The following CNBD1 variants were observed in gnomAD, a reference collection of about 807,000 sequenced individuals.
CNBD1 encodes cyclic nucleotide binding domain containing 1.
A neutral mutation model predicts 54.4 loss-of-function variants in CNBD1; 71 were observed. The ratio of observed to expected loss-of-function variants is 1.30; its 90% CI spans 1.08 to 1.59. The LOEUF is 1.59. CNBD1 is among the 40% of genes most tolerant of loss of function. The pLI is 0.00. For missense variants in CNBD1, 659 were observed against 518.0 expected (o/e 1.27, Z -2.64); for synonymous variants, 182 against 170.7 (o/e 1.07, Z -0.51).
At chr8:87,397,067 A>C (rs1811420682) in intron 2 of CNBD1, among the ~76,000 whole-genome samples, 1 of 151,388 alleles carries the variant, frequency 6.6e-6, no homozygotes, top group Non-Finnish European at 1.5e-5. Flanking sequence ...TTTTTGATCT[A>C]TCTCTAGACT....
intron 2 of CNBD1, among the ~76,000 whole-genome samples, chr8:87,406,731 G>C (rs2130981595): frequency 6.6e-6 from 1 of 152,022 alleles, no homozygotes; most frequent in South Asian, 2.1e-4. Context: ...GCCAGCCTTG[G>C]CCTCCCAAAA....
At chr8:87,346,100 G>C (rs1810170809) in intron 8 of CNBD1, among the ~76,000 whole-genome samples, 1 of 151,878 alleles carries the variant, frequency 6.6e-6, no homozygotes, top group Admixed American at 6.6e-5. Context: ...GGAATGCAAT[G>C]GCGAGATCTT....
intron 8 of CNBD1, among the ~76,000 whole-genome samples, chr8:87,346,334 G>A (rs989902413): frequency 1.3e-5 from 2 of 152,022 alleles, no homozygotes; most frequent in Non-Finnish European, 2.9e-5. Flanking sequence ...GAGCCACCGT[G>A]CCTGGCCATT....
At chr8:87,331,055 C>G (rs1372492169) in intron 8 of CNBD1, among the ~76,000 whole-genome samples, 2 of 151,762 alleles carry the variant, frequency 1.3e-5, no homozygotes, top group Non-Finnish European at 1.5e-5. Context: ...TTTTTTTATT[C>G]TTTATTTTTT....
At chr8:86,912,126 TA>T (rs1809109475) in intron 3 of CNBD1, among the ~76,000 whole-genome samples, 1 of 152,184 alleles carries the variant, frequency 6.6e-6, no homozygotes, top group Non-Finnish European at 1.5e-5. Flanking sequence ...TTGACTTTTA[TA>T]AAAATGTTAT....
At chr8:87,058,417 G>A (rs1322781426) in intron 4 of CNBD1, among the ~76,000 whole-genome samples, 1 of 152,218 alleles carries the variant, frequency 6.6e-6, no homozygotes, top group East Asian at 1.9e-4. Context: ...TTGGGACTCT[G>A]TGTGGGGATT....
intron 8 of CNBD1, among the ~76,000 whole-genome samples, chr8:87,297,669 C>T (rs753665072): frequency 1.9e-4 from 29 of 151,590 alleles, no homozygotes; most frequent in Non-Finnish European, 4.0e-4. Flanking sequence ...TGTCTGTAAT[C>T]ACACATTTAC....
At position 87,353,621 on chromosome 8, in the gene CNBD1, A is replaced by T. The variant is rs1563566119; in HGVS notation, c.1153-15A>T. The T allele has an allele frequency of 6.6e-7, 1 of 1,513,162 alleles. No individual in the cohort carries two copies. The highest frequency in any genetic ancestry group is 9.0e-7 in the Non-Finnish European group (1 of 1,107,448). The allele number at this position is 1,513,162 out of a possible 1,614,324, so 93.7% of individuals were successfully genotyped here. A position where few individuals can be genotyped will look rare whatever the true frequency, so the allele number is the denominator to read the frequency against. On this transcript the variant is annotated splice_polypyrimidine_tract_variant and intron_variant, in intron 9 of 10. Transcript: ENST00000518476. ...AGCAGTTGCATTAAACATCAATAAT[A>T]TATTTTTTTAACAGAAAAGATCTCA...
chr8:87,408,732 C>A (rs531938102), intron 2 of CNBD1, among the ~76,000 whole-genome samples: 1 of 152,008 alleles, frequency 6.6e-6, no homozygotes, highest in Non-Finnish European at 1.5e-5. Context: ...TTTGTGTCTC[C>A]GTGTCACATG....
chr8:86,881,387 G>C (rs949239394), intron 1 of CNBD1, among the ~76,000 whole-genome samples: 5 of 152,042 alleles, frequency 3.3e-5, no homozygotes, highest in Admixed American at 3.3e-4. Context: ...GGCAAGCAGA[G>C]AGCCAAATCA....
At chr8:87,376,379 C>T (rs1167348060) in intron 10 of CNBD1, among the ~76,000 whole-genome samples, 1 of 151,766 alleles carries the variant, frequency 6.6e-6, no homozygotes. Context: ...AGGGCTCGGC[C>T]CTCAGCACCT....
intron 4 of CNBD1, among the ~76,000 whole-genome samples, chr8:87,203,870 A>G (rs1385824722): frequency 1.3e-5 from 2 of 152,238 alleles, no homozygotes; most frequent in Admixed American, 6.5e-5. Context: ...GAAAAAAGGA[A>G]GAAATGGAAA....
At chr8:86,912,183 A>G (rs1243926918) in intron 3 of CNBD1, among the ~76,000 whole-genome samples, 1 of 152,194 alleles carries the variant, frequency 6.6e-6, no homozygotes, top group African/African-American at 2.4e-5. Flanking sequence ...TCAGCATTAA[A>G]ATATCAAAAA....
At chr8:87,302,438 AC>A (rs1184622307) in intron 8 of CNBD1, among the ~76,000 whole-genome samples, 1 of 138,228 alleles carries the variant, frequency 7.2e-6, no homozygotes, top group Non-Finnish European at 1.6e-5. Flanking sequence ...AAATTCAACA[AC>A]CCTTCATGCT....
At chr8:87,020,754 C>T (rs919844683) in intron 4 of CNBD1, among the ~76,000 whole-genome samples, 11 of 152,218 alleles carry the variant, frequency 7.2e-5, no homozygotes, top group African/African-American at 2.4e-4. Flanking sequence ...AAAGAATCCA[C>T]ATTCTATAGA....
intron 8 of CNBD1, among the ~76,000 whole-genome samples, chr8:87,329,784 C>G (rs1175153286): frequency 6.6e-6 from 1 of 151,698 alleles, no homozygotes. Flanking sequence ...CTTATTAGTT[C>G]CAGGAAATTT....
intron 4 of CNBD1, among the ~76,000 whole-genome samples, chr8:87,151,551 G>A (rs1246298198): frequency 6.6e-6 from 1 of 152,122 alleles, no homozygotes; most frequent in African/African-American, 2.4e-5. Context: ...ATAGTCCAAT[G>A]TATGGACCCC....
At chr8:86,952,938 A>G (rs1457388087) in intron 4 of CNBD1, among the ~76,000 whole-genome samples, 1 of 152,120 alleles carries the variant, frequency 6.6e-6, no homozygotes, top group Non-Finnish European at 1.5e-5. Flanking sequence ...TTTATTTTAT[A>G]TTTTGGGAGG....
chr8:86,899,953 C>G (rs576721763), intron 2 of CNBD1, among the ~76,000 whole-genome samples: 8 of 152,222 alleles, frequency 5.3e-5, no homozygotes, highest in African/African-American at 1.9e-4. Flanking sequence ...CTGCCTTCAG[C>G]ACACCCTACC....
Sources: allele counts gnomAD v4.1 joint callset (sites outside exome capture counted in the v4.1 genomes callset), GRCh38; gene constraint gnomAD v4.1.1; transcripts MANE v1.5; gene names NCBI Gene and HGNC (gene_info 2026-07-23, HGNC 2026-07-21).